AGBL4: variants seen among roughly 807,000 people sequenced by gnomAD.
AGBL4 encodes AGBL carboxypeptidase 4.
In AGBL4, 58 loss-of-function variants were observed where a neutral mutation model predicts 66.4. The ratio of observed to expected loss-of-function variants is 0.87; its 90% CI spans 0.71 to 1.09. The LOEUF is 1.09. Among genes scored for constraint, AGBL4 ranks in the 50% least tolerant of loss-of-function variants. The pLI, the probability that AGBL4 is intolerant of heterozygous loss-of-function variation, is 0.00. For missense variants in AGBL4, 579 were observed against 631.0 expected (o/e 0.92, Z 0.88); for synonymous variants, 234 against 222.9 (o/e 1.05, Z -0.44).
At chr1:49,428,007 A>T (rs1371413817) in intron 3 of AGBL4, among the ~76,000 whole-genome samples, 1 of 152,182 alleles carries the variant, frequency 6.6e-6, no homozygotes, top group Non-Finnish European at 1.5e-5. Flanking sequence ...GCGTTTTTAC[A>T]GAGTGCTGAT....
chr1:48,942,281 A>G (rs1437051968), intron 5 of AGBL4, among the ~76,000 whole-genome samples: 1 of 147,836 alleles, frequency 6.8e-6, no homozygotes, highest in Non-Finnish European at 1.5e-5. Flanking sequence ...CCAATCGTCT[A>G]CTTAGAGCCA....
At chr1:48,793,591 G>A (rs1376912884) in intron 6 of AGBL4, among the ~76,000 whole-genome samples, 1 of 152,142 alleles carries the variant, frequency 6.6e-6, no homozygotes, top group Non-Finnish European at 1.5e-5. Context: ...TGTAATATAT[G>A]CCTGGCTCTT....
At chr1:49,992,692 G>C (rs941244140) in intron 1 of AGBL4, among the ~76,000 whole-genome samples, 1 of 152,084 alleles carries the variant, frequency 6.6e-6, no homozygotes, top group Non-Finnish European at 1.5e-5. Context: ...GAGTGACCCT[G>C]ACACAAATTC....
chr1:49,373,650 GA>G (rs1004359707), intron 3 of AGBL4, among the ~76,000 whole-genome samples: 5 of 151,964 alleles, frequency 3.3e-5, no homozygotes, highest in East Asian at 3.8e-4. Context: ...ATTTTATGGA[GA>G]AAAAAATTGA....
intron 6 of AGBL4, among the ~76,000 whole-genome samples, chr1:48,813,643 C>A (rs1646108855): frequency 6.6e-6 from 1 of 152,130 alleles, no homozygotes; most frequent in South Asian, 2.1e-4. Flanking sequence ...CTCAAATTTC[C>A]AGCTAAGAGT....
At chr1:48,712,566 C>T (rs529894878) in intron 6 of AGBL4, among the ~76,000 whole-genome samples, 1 of 151,942 alleles carries the variant, frequency 6.6e-6, no homozygotes, top group South Asian at 2.1e-4. Flanking sequence ...TTATATATAT[C>T]AGCTCCTTAC....
intron 9 of AGBL4, among the ~76,000 whole-genome samples, chr1:48,608,243 T>C (rs561136537): frequency 1.3e-5 from 2 of 152,284 alleles, no homozygotes; most frequent in South Asian, 4.1e-4. Flanking sequence ...TTATGGAGTG[T>C]GGCAGTGTCA....
At chr1:49,883,243 C>A (rs570672488) in intron 1 of AGBL4, among the ~76,000 whole-genome samples, 126 of 152,172 alleles carry the variant, frequency 8.3e-4, no homozygotes, top group African/African-American at 2.9e-3. Flanking sequence ...CACACAAATA[C>A]AAATATTGGA....
In AGBL4 at chr1:49,211,331, T is replaced by C. The variant is rs561571315; in HGVS notation, c.377+34439A>G. Among the ~76,000 whole-genome samples, 3 of 152,202 alleles carry C rather than the reference T, an allele frequency of 2.0e-5. No individual in the cohort carries two copies. The East Asian group carries it at 5.8e-4, about 29-fold the overall frequency. ...CCCACAATTTCAGAATTTTTAGTAATTGAGTGAAAGAATAAAGTTTGCTTC... is the reference window on the plus strand; with the variant it reads ...CCCACAATTTCAGAATTTTTAGTAACTGAGTGAAAGAATAAAGTTTGCTTC... On this transcript the variant is annotated intron_variant, in intron 4 of 13. Coordinates refer to ENST00000371839, the MANE Select transcript of AGBL4 (RefSeq NM_032785.4).
At chr1:49,845,307 TC>T in intron 2 of AGBL4, 1 of 1,548,244 alleles carries the variant, frequency 6.5e-7, no homozygotes, top group Non-Finnish European at 8.9e-7. Context: ...ACCAGAGAAC[TC>T]ACACAGGCGA....
At chr1:49,618,152 G>A (rs1319337424) in intron 3 of AGBL4, among the ~76,000 whole-genome samples, 2 of 152,128 alleles carry the variant, frequency 1.3e-5, no homozygotes, top group African/African-American at 4.8e-5. Context: ...ATGGTTTCCA[G>A]CTTCATCCAT....
chr1:48,828,859 C>T (rs1646488173), intron 6 of AGBL4, among the ~76,000 whole-genome samples: 1 of 152,054 alleles, frequency 6.6e-6, no homozygotes, highest in Non-Finnish European at 1.5e-5. Flanking sequence ...ATCTGCTTTA[C>T]CTCATATAAA....
At chr1:49,282,646 G>T (rs575233660) in intron 3 of AGBL4, among the ~76,000 whole-genome samples, 6 of 152,328 alleles carry the variant, frequency 3.9e-5, no homozygotes, top group South Asian at 4.1e-4. Context: ...GACAGTGGGC[G>T]CAGGTCAGTA....
intron 5 of AGBL4, among the ~76,000 whole-genome samples, chr1:49,024,181 A>G (rs1472457949): frequency 1.3e-5 from 2 of 152,172 alleles, no homozygotes; most frequent in South Asian, 2.1e-4. Flanking sequence ...CCCATTTTTC[A>G]TATGGTTGGC....
At chr1:49,986,662 C>A (rs1403600286) in intron 1 of AGBL4, among the ~76,000 whole-genome samples, 2 of 152,024 alleles carry the variant, frequency 1.3e-5, no homozygotes, top group Non-Finnish European at 2.9e-5. Context: ...TACTGTGTGG[C>A]AGATTCATTT....
chr1:48,834,529 A>G (rs1402305363), intron 6 of AGBL4, among the ~76,000 whole-genome samples: 2 of 152,076 alleles, frequency 1.3e-5, no homozygotes, highest in Non-Finnish European at 2.9e-5. Flanking sequence ...TTGGGCCCTC[A>G]TGATGGGATT....
intron 9 of AGBL4, among the ~76,000 whole-genome samples, chr1:48,598,110 A>C (rs1323269289): frequency 6.6e-6 from 1 of 152,240 alleles, no homozygotes; most frequent in African/African-American, 2.4e-5. Context: ...ACAGGTTTGC[A>C]GGGTCCAGAT....
intron 1 of AGBL4, among the ~76,000 whole-genome samples, chr1:49,942,075 CA>C (rs1020954346): frequency 7.3e-5 from 11 of 151,594 alleles, no homozygotes; most frequent in Non-Finnish European, 1.2e-4. Context: ...AATGATTATA[CA>C]AAAAACAAAT....
At chr1:49,785,884 GA>G (rs200044395) in intron 2 of AGBL4, among the ~76,000 whole-genome samples, 1,463 of 134,320 alleles carry the variant, frequency 0.011, 26 homozygotes, top group African/African-American at 0.032. Flanking sequence ...GAAATCCCAG[GA>G]AAAAAAAAAT....
Sources: allele counts gnomAD v4.1 joint callset (sites outside exome capture counted in the v4.1 genomes callset), GRCh38; gene constraint gnomAD v4.1.1; transcripts MANE v1.5; gene names NCBI Gene and HGNC (gene_info 2026-07-23, HGNC 2026-07-21).